CDH18: variants seen among roughly 807,000 people sequenced by gnomAD.
The protein encoded by CDH18 is cadherin-18.
A neutral mutation model predicts 67.9 loss-of-function variants in CDH18; 31 were observed. The observed-to-expected ratio is 0.46, with a 90% CI of 0.34 to 0.62. The LOEUF is 0.62. Ranked by LOEUF, CDH18 falls within the 20% of genes least tolerant of loss-of-function variation. The pLI is 0.01. For synonymous variants in CDH18, 362 were observed against 347.2 expected (o/e 1.04, Z -0.48); for missense variants, 890 against 975.5 (o/e 0.91, Z 1.17).
intron 1 of CDH18, among the ~76,000 whole-genome samples, chr5:20,337,409 T>C (rs1356714157): frequency 2.0e-5 from 3 of 152,180 alleles, no homozygotes; most frequent in African/African-American, 7.2e-5. Context: ...CCAAGTCACC[T>C]CTAGAATGCT....
intron 1 of CDH18, among the ~76,000 whole-genome samples, chr5:20,443,017 G>A (rs1749724993): frequency 6.6e-6 from 1 of 150,638 alleles, no homozygotes; most frequent in South Asian, 2.1e-4. Flanking sequence ...AGACCATCCC[G>A]GCTAAAACGG....
At chr5:20,114,329 C>A (rs1010549209) in intron 2 of CDH18, among the ~76,000 whole-genome samples, 1 of 151,936 alleles carries the variant, frequency 6.6e-6, no homozygotes, top group Non-Finnish European at 1.5e-5. Flanking sequence ...ATATAATATC[C>A]CCCAAAAAGT....
intron 2 of CDH18, among the ~76,000 whole-genome samples, chr5:19,995,378 T>C (rs1023256914): frequency 6.6e-6 from 1 of 152,118 alleles, no homozygotes; most frequent in African/African-American, 2.4e-5. Flanking sequence ...GTTTCTTAAT[T>C]GAATGCAAGC....
intron 2 of CDH18, among the ~76,000 whole-genome samples, chr5:19,905,277 G>A (rs930978484): frequency 9.2e-5 from 14 of 152,086 alleles, no homozygotes; most frequent in Non-Finnish European, 1.9e-4. Flanking sequence ...TTGCAGGTTG[G>A]TTTTGTATCC....
intron 5 of CDH18, among the ~76,000 whole-genome samples, chr5:19,643,437 T>C (rs1214006650): frequency 2.0e-5 from 3 of 152,148 alleles, no homozygotes; most frequent in Non-Finnish European, 2.9e-5. Flanking sequence ...CATCTAAATA[T>C]CTATTGATAG....
At chr5:19,531,047 T>A (rs539404599) in intron 9 of CDH18, among the ~76,000 whole-genome samples, 1 of 152,316 alleles carries the variant, frequency 6.6e-6, no homozygotes, top group Admixed American at 6.5e-5. Context: ...TCTGCATCGC[T>A]CACGCTGGGA....
intron 11 of CDH18, among the ~76,000 whole-genome samples, chr5:19,493,058 T>C (rs1212258741): frequency 1.3e-5 from 2 of 152,204 alleles, no homozygotes; most frequent in Admixed American, 6.5e-5. Flanking sequence ...CATCTCTATG[T>C]TGTTTTAATC....
At chr5:19,632,593 C>A (rs1166170188) in intron 5 of CDH18, among the ~76,000 whole-genome samples, 1 of 152,054 alleles carries the variant, frequency 6.6e-6, no homozygotes, top group African/African-American at 2.4e-5. Flanking sequence ...ATTATCAAAC[C>A]CTTATTACCT....
chr5:20,373,069 A>G (rs1580852488), intron 1 of CDH18, among the ~76,000 whole-genome samples: 1 of 152,074 alleles, frequency 6.6e-6, no homozygotes, highest in Non-Finnish European at 1.5e-5. Flanking sequence ...TAAGACATCT[A>G]TTTTTCTTCC....
In CDH18 at chr5:20,321,741, C is replaced by T. The variant is rs150920892; in HGVS notation, c.-579-66236G>A. Among the ~76,000 whole-genome samples the T allele has an allele frequency of 1.1e-3, 163 of 151,968 alleles. 1 individual carries two copies. The highest frequency in any genetic ancestry group is 3.9e-3 in the African/African-American group (160 of 41,448). ...CCTTCAGATATGTTATTGACATAAT[C>T]ATAGCTATTGTCCCCTGTACATCCA... On this transcript the variant is annotated intron_variant, in intron 1 of 14. Coordinates refer to the CDH18 transcript ENST00000507958.
At chr5:20,338,437 A>G (rs1015715341) in intron 1 of CDH18, among the ~76,000 whole-genome samples, 3 of 152,188 alleles carry the variant, frequency 2.0e-5, no homozygotes, top group African/African-American at 7.2e-5. Flanking sequence ...CCCTCTGGCC[A>G]AAACCTTTAG....
intron 1 of CDH18, among the ~76,000 whole-genome samples, chr5:20,268,506 T>C (rs953211848): frequency 6.6e-6 from 1 of 152,098 alleles, no homozygotes; most frequent in African/African-American, 2.4e-5. Flanking sequence ...TATGTCAAGA[T>C]AGGAGGACCG....
chr5:20,162,349 T>C (rs1455266159), intron 2 of CDH18, among the ~76,000 whole-genome samples: 1 of 150,436 alleles, frequency 6.6e-6, no homozygotes, highest in Non-Finnish European at 1.5e-5. Context: ...AGCAGAAAGC[T>C]GGTCATTAAT....
At chr5:20,283,359 G>C (rs2126708389) in intron 1 of CDH18, among the ~76,000 whole-genome samples, 1 of 152,116 alleles carries the variant, frequency 6.6e-6, no homozygotes, top group Non-Finnish European at 1.5e-5. Context: ...TCTGACAAGT[G>C]GCTAATTACC....
intron 1 of CDH18, among the ~76,000 whole-genome samples, chr5:20,379,910 G>A (rs1743776897): frequency 6.6e-6 from 1 of 151,800 alleles, no homozygotes; most frequent in African/African-American, 2.4e-5. Context: ...AGCAAAATTG[G>A]CCTTCTAGAT....
At chr5:19,765,396 A>G (rs201921415) in intron 3 of CDH18, among the ~76,000 whole-genome samples, 3 of 118,794 alleles carry the variant, frequency 2.5e-5, no homozygotes, top group Admixed American at 2.5e-4. Context: ...TTCTTTTTTT[A>G]TTTTTTTTTT....
At chr5:20,412,616 C>G (rs1201919422) in intron 1 of CDH18, among the ~76,000 whole-genome samples, 2 of 152,210 alleles carry the variant, frequency 1.3e-5, no homozygotes, top group East Asian at 3.9e-4. Context: ...GAACCCATGC[C>G]TAGAATCTAG....
At chr5:19,538,999 G>A (rs1032147756) in intron 9 of CDH18, among the ~76,000 whole-genome samples, 6 of 152,282 alleles carry the variant, frequency 3.9e-5, no homozygotes, top group South Asian at 2.1e-4. Flanking sequence ...CTTGGGTAGC[G>A]TGGTGATGTT....
chr5:19,744,725 T>C (rs1316658786), intron 4 of CDH18, among the ~76,000 whole-genome samples: 3 of 152,214 alleles, frequency 2.0e-5, no homozygotes, highest in African/African-American at 7.2e-5. Flanking sequence ...ATTTGGGGCT[T>C]CAGTGTTTTC....
Sources: allele counts gnomAD v4.1 joint callset (sites outside exome capture counted in the v4.1 genomes callset), GRCh38; gene constraint gnomAD v4.1.1; transcripts MANE v1.5; gene names NCBI Gene and HGNC (gene_info 2026-07-23, HGNC 2026-07-21).